Variants in VRK2 observed in about 807,000 individuals in gnomAD.
The protein encoded by VRK2 is serine/threonine-protein kinase VRK2.
VRK2 carries 60 observed loss-of-function variants against 57.6 expected under a neutral mutation model. That is an observed-to-expected ratio of 1.04 (90% CI 0.85 to 1.29). VRK2 has a LOEUF of 1.29. Ranked by LOEUF, VRK2 falls within the 50% of genes most tolerant of loss-of-function variation. The pLI is 0.00. For synonymous variants in VRK2, 231 were observed against 199.2 expected, an observed-to-expected ratio of 1.16 and a Z score of -1.35; for missense variants, 705 against 588.1, an observed-to-expected ratio of 1.20 and a Z score of -2.06.
intron 12 of VRK2, among the ~76,000 whole-genome samples, chr2:58,148,574 A>G (rs1044257191): frequency 6.6e-5 from 10 of 151,748 alleles, no homozygotes; most frequent in African/African-American, 1.9e-4. Flanking sequence ...TTTTCTGTAA[A>G]GATACCTAAG....
chr2:57,928,818 AC>A (rs1670625686), intron 1 of VRK2, among the ~76,000 whole-genome samples: 1 of 152,204 alleles, frequency 6.6e-6, no homozygotes, highest in Non-Finnish European at 1.5e-5. Flanking sequence ...TAGAAGTACT[AC>A]CTTGGTGGTC....
chr2:58,049,013 G>A, intron 2 of VRK2, 46 bp downstream of exon 2: 1 of 1,582,126 alleles, frequency 6.3e-7, no homozygotes, highest in East Asian at 2.3e-5. Flanking sequence ...ATCTGTGACT[G>A]TAACCGTGAT....
At chr2:57,933,859 C>T (rs1465046643) in intron 1 of VRK2, among the ~76,000 whole-genome samples, 1 of 152,114 alleles carries the variant, frequency 6.6e-6, no homozygotes, top group Non-Finnish European at 1.5e-5. Context: ...TTCTTTAGTG[C>T]AATCCTTGGA....
chr2:57,991,956 C>CAA (rs111539756), intron 1 of VRK2, among the ~76,000 whole-genome samples: 12,269 of 101,390 alleles, frequency 0.12, 633 homozygotes, highest in Middle Eastern at 0.18. Flanking sequence ...GACTCCAACT[C>CAA]AAAAAAAAAA....
At chr2:58,028,589 A>G (rs1216489827) in intron 2 of VRK2, among the ~76,000 whole-genome samples, 8 of 151,930 alleles carry the variant, frequency 5.3e-5, no homozygotes, top group African/African-American at 1.9e-4. Context: ...CTTTGTAGGG[A>G]CATGGATGAA....
In VRK2 at chr2:58,078,140, T is replaced by C. The variant is rs117060441; in HGVS notation, c.137-5949T>C. 1.6e-4 allele frequency among the ~76,000 whole-genome samples: 24 copies of C among 152,256 alleles called. No individual in the cohort carries two copies. In the East Asian group the frequency reaches 4.6e-3, roughly 29 times the overall value. On this transcript the variant is annotated intron_variant, in intron 2 of 12. Transcript: ENST00000340157. The stretch of plus-strand genomic sequence containing the variant: ...CTGAAACTCTATATTCATTAAACAG[T>C]AATTCTCCATTTTCCTCTTTTCCCA...
chr2:58,110,627 A>G (rs1216819732), intron 7 of VRK2, among the ~76,000 whole-genome samples: 1 of 152,078 alleles, frequency 6.6e-6, no homozygotes, highest in Non-Finnish European at 1.5e-5. Context: ...GCTAATACTG[A>G]GATAGAATTA....
chr2:58,023,189 A>C (rs1055350531), intron 1 of VRK2, among the ~76,000 whole-genome samples: 14 of 152,282 alleles, frequency 9.2e-5, no homozygotes, highest in African/African-American at 2.9e-4. Context: ...GTGTGTATGA[A>C]TTTGACTACT....
At chr2:58,097,956 A>G (rs1673396644) in intron 7 of VRK2, among the ~76,000 whole-genome samples, 1 of 152,004 alleles carries the variant, frequency 6.6e-6, no homozygotes, top group South Asian at 2.1e-4. Context: ...ATTCCAGAAG[A>G]TTGTTTGTTA....
chr2:57,936,284 A>G (rs998791609), intron 1 of VRK2, among the ~76,000 whole-genome samples: 1 of 152,126 alleles, frequency 6.6e-6, no homozygotes, highest in Non-Finnish European at 1.5e-5. Flanking sequence ...CATTTATTTA[A>G]TTTTGTCAAC....
rs1178854707 is a variant in VRK2, at chr2:58,137,122, T to A, written c.856+1923T>A. The stretch of plus-strand genomic sequence containing the variant: ...TCATATATATAACATATATCATATA[T>A]GTGTATATATCATATATCATATATA... On this transcript the variant is annotated intron_variant, in intron 10 of 12. Transcript: ENST00000340157. Among the ~76,000 whole-genome samples the A allele has an allele frequency of 2.7e-5, 3 of 110,372 alleles. 1 individual carries two copies. Among genetic ancestry groups the A allele is most frequent in the African/African-American group, 1.0e-4 (3 of 28,638 alleles). 72.4% of individuals were successfully genotyped at this position (110,372 alleles called of 152,430 possible).
chr2:58,042,896 A>C (rs1674518029), upstream of VRK2, among the ~76,000 whole-genome samples: 1 of 152,144 alleles, frequency 6.6e-6, no homozygotes, highest in African/African-American at 2.4e-5. Flanking sequence ...TTCATTCAGA[A>C]GATGTTCTTT....
At chr2:58,069,404 CTTG>C (rs1344437039) in intron 2 of VRK2, among the ~76,000 whole-genome samples, 2 of 152,156 alleles carry the variant, frequency 1.3e-5, no homozygotes, top group African/African-American at 4.8e-5. Context: ...TTATAAACAA[CTTG>C]TTGTGGTGAC....
intron 1 of VRK2, among the ~76,000 whole-genome samples, chr2:57,936,552 A>T (rs1670914945): frequency 6.9e-6 from 1 of 144,168 alleles, no homozygotes. Flanking sequence ...TTTGAGATAG[A>T]GTATCACTCT....
At chr2:58,009,948 C>T (rs1673368589) in intron 1 of VRK2, among the ~76,000 whole-genome samples, 2 of 152,062 alleles carry the variant, frequency 1.3e-5, no homozygotes, top group East Asian at 1.9e-4. Flanking sequence ...GTGTCCAATA[C>T]TTAATGTCCA....
chr2:58,065,706 T>C (rs1668507820), intron 2 of VRK2, among the ~76,000 whole-genome samples: 1 of 152,154 alleles, frequency 6.6e-6, no homozygotes, highest in Non-Finnish European at 1.5e-5. Context: ...AAATTAACAT[T>C]TCTACTATGT....
At chr2:58,157,362 T>C (rs1244500962) in intron 12 of VRK2, among the ~76,000 whole-genome samples, 2 of 152,262 alleles carry the variant, frequency 1.3e-5, no homozygotes, top group African/African-American at 4.8e-5. Context: ...GCTGAGCTGT[T>C]ATTTGTTGTG....
chr2:58,120,922 T>G (rs1677401628), intron 7 of VRK2, among the ~76,000 whole-genome samples: 1 of 152,206 alleles, frequency 6.6e-6, no homozygotes, highest in African/African-American at 2.4e-5. Flanking sequence ...CTCCCACCTT[T>G]TGTTTCACTG....
At chr2:58,065,982 C>A (rs911829177) in intron 2 of VRK2, among the ~76,000 whole-genome samples, 6 of 151,976 alleles carry the variant, frequency 3.9e-5, no homozygotes, top group Non-Finnish European at 7.4e-5. Flanking sequence ...TTGGTAAACC[C>A]AGTTATTCTA....
Sources: gnomAD v4.1 joint callset for allele counts (sites outside exome capture counted in the v4.1 genomes callset) on GRCh38, gnomAD v4.1.1 for gene constraint, MANE v1.5 for transcripts, NCBI Gene and HGNC (gene_info 2026-07-23, HGNC 2026-07-21) for gene names.